Variants in ARK2N observed in about 807,000 individuals in gnomAD.
The protein encoded by ARK2N is protein ARK2N.
At chr18:46,190,403 C>CCTACTCGGGGATTAGCTGTAAT in the ARK2N span, among the ~76,000 whole-genome samples, 3 of 21,204 alleles carry the variant, frequency 1.4e-4, no homozygotes, top group African/African-American at 3.8e-4. Flanking sequence ...GCCTGTAATC[C>CCTACTCGGGGATTAGCTGTAAT]CAGCTACTCG....
the ARK2N span, among the ~76,000 whole-genome samples, chr18:46,247,621 G>C: frequency 6.6e-6 from 1 of 152,202 alleles, no homozygotes; most frequent in Non-Finnish European, 1.5e-5. Context: ...CCCTTACTGT[G>C]AGTCTGCCAC....
the ARK2N span, among the ~76,000 whole-genome samples, chr18:46,200,066 T>TTGTGTGTGTGTGTGTGTGTG: frequency 5.3e-5 from 8 of 150,180 alleles, no homozygotes; most frequent in African/African-American, 2.0e-4. Flanking sequence ...AAATTCTTTA[T>TTGTGTGTGTGTGTGTGTGTG]TGTGTGTGTG....
chr18:46,201,519 C>T, the ARK2N span, among the ~76,000 whole-genome samples: 420 of 151,960 alleles, frequency 2.8e-3, 3 homozygotes, highest in African/African-American at 9.6e-3. Flanking sequence ...TCCTTCATTG[C>T]GGATTTCTTT....
At chr18:46,174,548 G>C in the ARK2N span, among the ~76,000 whole-genome samples, 1 of 152,172 alleles carries the variant, frequency 6.6e-6, no homozygotes, top group Admixed American at 6.5e-5. Context: ...GCACCTCTCC[G>C]ACCTCCTTGC....
At chr18:46,251,263 T>C in the ARK2N span, among the ~76,000 whole-genome samples, 5 of 152,158 alleles carry the variant, frequency 3.3e-5, no homozygotes, top group African/African-American at 1.2e-4. Flanking sequence ...AACATTGAAG[T>C]AGAACTTGGA....
the ARK2N span, among the ~76,000 whole-genome samples, chr18:46,229,236 T>A: frequency 1.3e-5 from 2 of 151,460 alleles, no homozygotes; most frequent in African/African-American, 4.9e-5. Context: ...AAAAAAAAAA[T>A]AGATTTTGCT....
chr18:46,176,657 C>T, the ARK2N span, among the ~76,000 whole-genome samples: 1 of 150,126 alleles, frequency 6.7e-6, no homozygotes, highest in Non-Finnish European at 1.5e-5. Flanking sequence ...TGGAGTTTTG[C>T]TCTTGTTGCC....
At chr18:46,184,987 G>A in the ARK2N span, among the ~76,000 whole-genome samples, 1 of 152,226 alleles carries the variant, frequency 6.6e-6, no homozygotes, top group Non-Finnish European at 1.5e-5. Context: ...GCTATTAGCA[G>A]TTGAGTCAGT....
chr18:46,231,550 G>A, the ARK2N span, among the ~76,000 whole-genome samples: 1 of 135,786 alleles, frequency 7.4e-6, no homozygotes, highest in African/African-American at 2.7e-5. Flanking sequence ...TTTTAAAAAT[G>A]ATTAAAGGTT....
chr18:46,216,736 G>T, the ARK2N span: 1 of 732,264 alleles, frequency 1.4e-6, no homozygotes, highest in Admixed American at 3.0e-5. This position sits in a 1 kb window ranked among gnomAD's most constrained non-coding sequence, Gnocchi z 4.3. Flanking sequence ...CTATTAACAA[G>T]ACATGGCCAA....
At chr18:46,249,979 G>A in the ARK2N span, among the ~76,000 whole-genome samples, 1 of 152,032 alleles carries the variant, frequency 6.6e-6, no homozygotes, top group Non-Finnish European at 1.5e-5. Context: ...ACACCACCAC[G>A]TCTAATTCCC....
At chr18:46,200,873 A>G in the ARK2N span, among the ~76,000 whole-genome samples, 5 of 152,276 alleles carry the variant, frequency 3.3e-5, no homozygotes, top group East Asian at 9.6e-4. Flanking sequence ...CATGCTAACT[A>G]CACACAAATA....
chr18:46,249,252 C>T, the ARK2N span, among the ~76,000 whole-genome samples: 2 of 151,988 alleles, frequency 1.3e-5, no homozygotes, highest in Non-Finnish European at 2.9e-5. Flanking sequence ...TTTTTTGAGA[C>T]GGAGTCTTGC....
chr18:46,253,555 C>CA, the ARK2N span: 1 of 969,922 alleles, frequency 1.0e-6, no homozygotes, highest in Non-Finnish European at 1.5e-6. Context: ...GCTTATTTGA[C>CA]AGTTTTGCTG....
chr18:46,229,168 A>G, the ARK2N span, among the ~76,000 whole-genome samples: 1 of 152,064 alleles, frequency 6.6e-6, no homozygotes, highest in African/African-American at 2.4e-5. Context: ...CTTGATTTTC[A>G]GTTTTTGCAG....
chr18:46,216,009 A>G, the ARK2N span: 1 of 1,614,164 alleles, frequency 6.2e-7, no homozygotes, highest in Non-Finnish European at 8.5e-7. This position sits in a 1 kb window ranked among gnomAD's most constrained non-coding sequence, Gnocchi z 4.3. Context: ...AAGTTCAGAA[A>G]GATGGTGTAG....
At chr18:46,198,466 T>TC in the ARK2N span, among the ~76,000 whole-genome samples, 2 of 152,200 alleles carry the variant, frequency 1.3e-5, 1 homozygote, top group Non-Finnish European at 2.9e-5. Flanking sequence ...CCATTTTGAT[T>TC]CTCTACCTTT....
chr18:46,240,094 G>T, the ARK2N span: 1 of 1,614,224 alleles, frequency 6.2e-7, no homozygotes. Flanking sequence ...GGCGGCTGCA[G>T]TAGTTCAAGA....
chr18:46,258,275 T>C, the ARK2N span, among the ~76,000 whole-genome samples: 1 of 152,186 alleles, frequency 6.6e-6, no homozygotes, highest in Admixed American at 6.5e-5. Flanking sequence ...GATGAGTGTT[T>C]CCCTACAATC....
Sources: allele counts gnomAD v4.1 joint callset (sites outside exome capture counted in the v4.1 genomes callset), GRCh38; gene constraint gnomAD v4.1.1; non-coding constraint Gnocchi (gnomAD v3.1); transcripts MANE v1.5; gene names NCBI Gene and HGNC (gene_info 2026-07-23, HGNC 2026-07-21).